Variants in SUMF1 observed in about 807,000 individuals in gnomAD.
SUMF1 encodes the protein sulfatase modifying factor 1, also known as formylglycine-generating enzyme.
SUMF1 carries 48 observed loss-of-function variants against 47.6 expected under a neutral mutation model. That is an observed-to-expected ratio of 1.01 (90% CI 0.80 to 1.28). SUMF1 has a LOEUF of 1.28. SUMF1 is among the 50% of genes most tolerant of loss of function. The probability of loss-of-function intolerance (pLI) is 0.00; values close to 1 mark genes in which losing one functional copy is unlikely to be tolerated. For synonymous variants in SUMF1, 230 were observed against 192.1 expected, an observed-to-expected ratio of 1.20 and a Z score of -1.63; for missense variants, 571 against 485.4, an observed-to-expected ratio of 1.18 and a Z score of -1.66.
intron 3 of SUMF1, among the ~76,000 whole-genome samples, chr3:4,440,233 G>A: frequency 8.8e-6 from 1 of 113,518 alleles, no homozygotes. Flanking sequence ...ACAAGAGCGA[G>A]ACTCTGTCTC....
chr3:4,129,767 T>C (rs2125085628), intron 8 of SUMF1, among the ~76,000 whole-genome samples: 1 of 152,266 alleles, frequency 6.6e-6, no homozygotes, highest in South Asian at 2.1e-4. Flanking sequence ...AACGTCATTG[T>C]GGTCCTCCAG....
At chr3:4,307,400 G>A (rs546966357) in intron 8 of SUMF1, among the ~76,000 whole-genome samples, 2 of 151,988 alleles carry the variant, frequency 1.3e-5, no homozygotes, top group South Asian at 4.2e-4. Context: ...CCTGAGACAC[G>A]TATCTGTTAG....
intron 9 of SUMF1, among the ~76,000 whole-genome samples, chr3:4,063,922 C>T (rs1419269845): frequency 6.6e-6 from 1 of 152,106 alleles, no homozygotes; most frequent in Non-Finnish European, 1.5e-5. Flanking sequence ...CACCTTAAAT[C>T]AGTACATCAC....
intron 8 of SUMF1, among the ~76,000 whole-genome samples, chr3:4,137,287 C>T (rs1693955898): frequency 6.6e-6 from 1 of 152,080 alleles, no homozygotes; most frequent in East Asian, 1.9e-4. Context: ...GAATACTCTG[C>T]AGCCATAAAA....
intron 1 of SUMF1, among the ~76,000 whole-genome samples, chr3:4,458,851 G>A (rs745470474): frequency 3.3e-5 from 5 of 151,988 alleles, no homozygotes; most frequent in Admixed American, 6.6e-5. Context: ...GCTAGATTCC[G>A]TCTCAAGAGA....
chr3:4,308,744 C>A (rs1016380416), intron 8 of SUMF1, among the ~76,000 whole-genome samples: 10 of 152,334 alleles, frequency 6.6e-5, no homozygotes, highest in Admixed American at 2.0e-4. Context: ...CAGAGTTTTC[C>A]TGCCTGGTCT....
At chr3:4,184,309 A>G (rs1695155925) in intron 8 of SUMF1, among the ~76,000 whole-genome samples, 1 of 151,956 alleles carries the variant, frequency 6.6e-6, no homozygotes, top group African/African-American at 2.4e-5. Context: ...TACAAAAATT[A>G]GCCGGGCATG....
intron 8 of SUMF1, among the ~76,000 whole-genome samples, chr3:4,120,673 G>A (rs1054968224): frequency 4.6e-5 from 7 of 152,090 alleles, no homozygotes; most frequent in Non-Finnish European, 1.0e-4. Context: ...GGGATTTCCA[G>A]GATGCTACCA....
Position 4,249,645 on chromosome 3 carries a change from T to C in SUMF1, c.1014+126685A>G, listed in dbSNP as rs539195720. On this transcript the variant is annotated intron_variant and NMD_transcript_variant, in intron 8 of 12. Transcript: ENST00000448413. ...CCCAATTCCCTGAGACACAGCAATA[T>C]TGAAATTATGCCAACTAATAACCCT... Among the ~76,000 whole-genome samples the C allele has an allele frequency of 4.6e-5, 7 of 152,274 alleles. 1 individual carries two copies. The highest frequency in any genetic ancestry group is 3.4e-3 in the Middle Eastern group (1 of 292).
chr3:4,382,665 C>A (rs1403238112), intron 7 of SUMF1, among the ~76,000 whole-genome samples: 1 of 152,106 alleles, frequency 6.6e-6, no homozygotes. Context: ...GACTTGGAAC[C>A]AACCCAAACG....
chr3:4,374,243 G>A (rs538239946), intron 8 of SUMF1, among the ~76,000 whole-genome samples: 8 of 152,196 alleles, frequency 5.3e-5, no homozygotes, highest in South Asian at 4.1e-4. Flanking sequence ...AAGAACTGTC[G>A]ATATTCACAG....
At chr3:4,158,216 G>T (rs1694497127) in intron 8 of SUMF1, among the ~76,000 whole-genome samples, 1 of 151,616 alleles carries the variant, frequency 6.6e-6, no homozygotes, top group African/African-American at 2.4e-5. Flanking sequence ...TATGCAGTAA[G>T]TTACAATGGA....
At chr3:4,145,875 G>C (rs73809331) in intron 8 of SUMF1, among the ~76,000 whole-genome samples, 5,756 of 152,106 alleles carry the variant, frequency 0.038, 383 homozygotes, top group African/African-American at 0.13. Context: ...TTTTCCCCCC[G>C]TCTACAGCTT....
chr3:4,260,930 A>G (rs747495234), intron 8 of SUMF1, among the ~76,000 whole-genome samples: 1 of 152,136 alleles, frequency 6.6e-6, no homozygotes, highest in African/African-American at 2.4e-5. Flanking sequence ...CAGACCTCCC[A>G]GGAAGCCCTG....
chr3:4,367,692 A>G (rs9858599), intron 8 of SUMF1, among the ~76,000 whole-genome samples: 18,062 of 152,150 alleles, frequency 0.12, 2,410 homozygotes, highest in African/African-American at 0.31. Context: ...CATGTCTACA[A>G]CTGTCTGATC....
intron 8 of SUMF1, among the ~76,000 whole-genome samples, chr3:4,302,100 T>C (rs1395226632): frequency 6.6e-6 from 1 of 152,246 alleles, no homozygotes; most frequent in Non-Finnish European, 1.5e-5. Flanking sequence ...CAGAAGGGTT[T>C]GTGAACCCAA....
chr3:4,426,091 A>C (rs1702059362), intron 3 of SUMF1, among the ~76,000 whole-genome samples: 1 of 152,164 alleles, frequency 6.6e-6, no homozygotes, highest in Non-Finnish European at 1.5e-5. Context: ...ATTCAAGATG[A>C]GATTTAGTTG....
At chr3:4,067,926 T>C (rs543612986) in intron 9 of SUMF1, among the ~76,000 whole-genome samples, 1 of 152,278 alleles carries the variant, frequency 6.6e-6, no homozygotes, top group East Asian at 1.9e-4. Context: ...GTAGATATTA[T>C]TGTCCCTTTT....
intron 8 of SUMF1, among the ~76,000 whole-genome samples, chr3:4,335,960 C>CAAAAAAAAAAAAAAAAAA (rs770091674): frequency 1.5e-3 from 107 of 73,736 alleles, no homozygotes; most frequent in African/African-American, 2.1e-3. Flanking sequence ...GATTCCAACT[C>CAAAAAAAAAAAAAAAAAA]AAAAAAAAAA....
Sources: gnomAD v4.1 joint callset for allele counts (sites outside exome capture counted in the v4.1 genomes callset) on GRCh38, gnomAD v4.1.1 for gene constraint, MANE v1.5 for transcripts, NCBI Gene and HGNC (gene_info 2026-07-23, HGNC 2026-07-21) for gene names.